TSG101: variants seen among roughly 807,000 people sequenced by gnomAD.
TSG101 encodes the protein tumor susceptibility gene 101 protein.
In TSG101, 19 loss-of-function variants were observed where a neutral mutation model predicts 48.5. The observed-to-expected ratio is 0.39, with a 90% CI of 0.27 to 0.58. TSG101 has a LOEUF of 0.58. Ranked by LOEUF, TSG101 falls within the 20% of genes least tolerant of loss-of-function variation. The probability of loss-of-function intolerance (pLI) is 0.55; values close to 1 mark genes in which losing one functional copy is unlikely to be tolerated. For synonymous variants in TSG101, 174 were observed against 169.4 expected (o/e 1.03, Z -0.21); for missense variants, 365 against 484.4 (o/e 0.75, Z 2.31).
chr11:18,489,503 T>TGCAAATTGAA (rs1471508834), intron 7 of TSG101, among the ~76,000 whole-genome samples: 1 of 152,216 alleles, frequency 6.6e-6, no homozygotes, highest in Non-Finnish European at 1.5e-5. Context: ...TAGATTCCAT[T>TGCAAATTGAA]ATTGAAGCAC....
chr11:18,503,370 A>ATTT lies in TSG101; in HGVS notation c.549-796_549-794dup, dbSNP rs397848238. ...CTCAAGCTTCTCTTCTTCAGGTTAA[A>ATTT]TTTTTTTTTTTTTTTTTTTTGAGAC... On this transcript the variant is annotated intron_variant, in intron 6 of 9. Transcript: ENST00000251968. Among the ~76,000 whole-genome samples, 225 of 130,808 alleles carry ATTT rather than the reference A, an allele frequency of 1.7e-3. 3 individuals are homozygous for ATTT. The highest frequency in any genetic ancestry group is 4.3e-3 in the East Asian group (19 of 4,456). 85.8% of individuals were successfully genotyped at this position (130,808 alleles called of 152,430 possible). A position where few individuals can be genotyped will look rare whatever the true frequency, so the allele number is the denominator to read the frequency against.
chr11:18,519,706 T>C, intron 1 of TSG101, 103 bp from the exon 2 acceptor site: 1 of 784,484 alleles, frequency 1.3e-6, no homozygotes, highest in Non-Finnish European at 2.1e-6. Flanking sequence ...TTAACATTAA[T>C]GAAAGCCTGA....
In TSG101 at chr11:18,502,622, C is replaced by A; in HGVS notation, c.549-45G>T. On this transcript the variant is annotated intron_variant, in intron 6 of 9. Transcript: ENST00000251968. ...ACATTTAACATTTAAGATGACCCAA[C>A]CTTATAGTATTTTGAAGAACCCCAT... 2.7e-6 allele frequency: 4 copies of A among 1,465,760 alleles called. No individual in the cohort carries two copies. The South Asian group carries it at 4.8e-5, about 18-fold the overall frequency. The allele number at this position is 1,465,760 out of a possible 1,614,324, so 90.8% of individuals were successfully genotyped here.
intron 8 of TSG101, among the ~76,000 whole-genome samples, chr11:18,482,356 G>C (rs1477648766): frequency 6.6e-6 from 1 of 152,180 alleles, no homozygotes; most frequent in Non-Finnish European, 1.5e-5. Context: ...AGTTGTATTG[G>C]TGTCACTTTC....
In TSG101 at chr11:18,502,303, C is replaced by A. The variant is rs377045407; in HGVS notation, c.640+183G>T. On this transcript the variant is annotated intron_variant, in intron 7 of 9. Transcript: ENST00000251968. Reference sequence around the variant, plus strand: ...TGAGTTAATCAGATTTATTTTCATGCCCTGGTAGAAGGTTCATTTATATGT... The same window carrying A: ...TGAGTTAATCAGATTTATTTTCATGACCTGGTAGAAGGTTCATTTATATGT... 9.2e-5 allele frequency among the ~76,000 whole-genome samples: 14 copies of A among 152,246 alleles called. 1 individual carries two copies. In the East Asian group the frequency reaches 2.7e-3, roughly 29 times the overall value.
rs368222298 is a variant in TSG101 at position 18,500,048 on chromosome 11, G to C, written c.640+2438C>G. Among the ~76,000 whole-genome samples the C allele has an allele frequency of 3.3e-5, 5 of 152,112 alleles. No homozygotes were observed. The East Asian group carries it at 9.7e-4, about 29-fold the overall frequency. The stretch of plus-strand genomic sequence containing the variant: ...AGTCTCTGGTGTCTATCATTCTACT[G>C]TCTACCTCCAAGAGATCAAGTTTTT... On this transcript the variant is annotated intron_variant, in intron 7 of 9. Transcript: ENST00000251968.
chr11:18,518,508 T>G (rs1400079876), intron 2 of TSG101, among the ~76,000 whole-genome samples: 1 of 152,194 alleles, frequency 6.6e-6, no homozygotes, highest in Admixed American at 6.6e-5. Flanking sequence ...CAGAAAAGAC[T>G]ATTTTAAAAT....
In TSG101 at chr11:18,524,248, A is replaced by C. The variant is rs1173911076; in HGVS notation, c.42+2527T>G. Among the ~76,000 whole-genome samples the C allele has an allele frequency of 3.3e-5, 5 of 152,268 alleles. 1 individual carries two copies. The highest frequency in any genetic ancestry group is 7.3e-5 in the Non-Finnish European group (5 of 68,050). ...CTAATCTGGTATAAATATATCTGTTAATTGCAAAAATAACAGAGAAAGGTG... is the reference window on the plus strand; with the variant it reads ...CTAATCTGGTATAAATATATCTGTTCATTGCAAAAATAACAGAGAAAGGTG... On this transcript the variant is annotated intron_variant, in intron 1 of 9. Coordinates refer to ENST00000251968, the MANE Select transcript of TSG101 (RefSeq NM_006292.4).
At chr11:18,498,434 C>G (rs755603734) in intron 7 of TSG101, among the ~76,000 whole-genome samples, 1 of 152,026 alleles carries the variant, frequency 6.6e-6, no homozygotes, top group Non-Finnish European at 1.5e-5. Flanking sequence ...ATTAGATGAG[C>G]CATAATGGTG....
chr11:18,481,818 T>C lies in TSG101; in HGVS notation c.895A>G (p.Ser299Gly). ...TTTTCCATTTTTTCCAGAGCAGAACTGAGTTCTTCATCCTTCTTTTTCAAA... is the reference window on the plus strand; with the variant it reads ...TTTTCCATTTTTTCCAGAGCAGAACCGAGTTCTTCATCCTTCTTTTTCAAA... ...ELLKKKDEEL[S>G]SALEKMENQS... Residue 299 changes from serine (S) to glycine (G), a missense_variant, in exon 9 of 10, where the codon AGT becomes GGT. Coordinates refer to ENST00000251968, the MANE Select transcript of TSG101 (RefSeq NM_006292.4). 6.2e-7 allele frequency: 1 copy of C among 1,614,106 alleles called. No homozygotes were observed. Among genetic ancestry groups the C allele is most frequent in the Non-Finnish European group, 8.5e-7 (1 of 1,180,020 alleles).
At chr11:18,482,622 A>C (rs1181676816) in intron 8 of TSG101, among the ~76,000 whole-genome samples, 4 of 152,236 alleles carry the variant, frequency 2.6e-5, no homozygotes, top group Non-Finnish European at 5.9e-5. Flanking sequence ...GCTGACTTAC[A>C]CACGGACTGT....
intron 6 of TSG101, among the ~76,000 whole-genome samples, chr11:18,506,494 C>CA (rs1188148061): frequency 6.6e-6 from 1 of 151,504 alleles, no homozygotes; most frequent in East Asian, 1.9e-4. Flanking sequence ...AGTTTGAGAC[C>CA]AGCCTGGCCA....
intron 2 of TSG101, among the ~76,000 whole-genome samples, chr11:18,516,870 G>A (rs1850186210): frequency 6.6e-6 from 1 of 151,844 alleles, no homozygotes; most frequent in Non-Finnish European, 1.5e-5. Context: ...GAACCCAGGA[G>A]GCAGAGGTTG....
Position 18,526,813 on chromosome 11 carries a change from C to T in TSG101, c.4G>A (p.Ala2Thr), listed in dbSNP as rs771813710. The T allele has an allele frequency of 1.2e-6, 2 of 1,602,828 alleles. No individual in the cohort carries two copies. The highest frequency in any genetic ancestry group is 4.5e-5 in the East Asian group (2 of 44,804). The stretch of plus-strand genomic sequence containing the variant: ...TTCTTGAGCTGGCTCTCCGACACCG[C>T]CATGACGGCCGCCTGGCGACTCCCT... MAVSESQLKKMV... is the reference protein window; with the variant it reads MTVSESQLKKMV... The change falls in exon 1 of 10, where the codon GCG (alanine) becomes ACG (threonine). Residue 2 changes from alanine to threonine, a missense_variant. By Grantham distance (58) the Ala-to-Thr change is moderately conservative. Transcript: ENST00000251968.
intron 2 of TSG101, among the ~76,000 whole-genome samples, chr11:18,517,074 G>T (rs1044781675): frequency 6.6e-6 from 1 of 151,994 alleles, no homozygotes; most frequent in African/African-American, 2.4e-5. Context: ...GTTTTTTGGA[G>T]ACAGGGTCTT....
At chr11:18,493,695 A>G (rs1849730746) in intron 7 of TSG101, among the ~76,000 whole-genome samples, 1 of 152,226 alleles carries the variant, frequency 6.6e-6, no homozygotes, top group Non-Finnish European at 1.5e-5. Context: ...CCGAGAACAT[A>G]TGAGGATTAT....
chr11:18,521,023 T>A (rs1269116773), intron 1 of TSG101, among the ~76,000 whole-genome samples: 3 of 150,170 alleles, frequency 2.0e-5, no homozygotes, highest in Admixed American at 6.6e-5. Flanking sequence ...AGAGCTAGAC[T>A]CCGTCTTGGA....
intron 4 of TSG101, among the ~76,000 whole-genome samples, chr11:18,513,554 C>T (rs1347490787): frequency 2.0e-5 from 3 of 152,150 alleles, no homozygotes; most frequent in African/African-American, 7.2e-5. Flanking sequence ...CCTGCCTCAG[C>T]TTTCCAAAGT....
chr11:18,510,237 A>G (rs1361948839), intron 4 of TSG101, among the ~76,000 whole-genome samples: 1 of 151,968 alleles, frequency 6.6e-6, no homozygotes, highest in Admixed American at 6.6e-5. Context: ...CTGGGCCAAC[A>G]TGGCAAAATC....
Sources: gnomAD v4.1 joint callset for allele counts (sites outside exome capture counted in the v4.1 genomes callset) on GRCh38, gnomAD v4.1.1 for gene constraint, MANE v1.5 for transcripts, NCBI Gene and HGNC (gene_info 2026-07-23, HGNC 2026-07-21) for gene names.